Variants in MALRD1 observed in about 807,000 individuals in gnomAD.
The protein encoded by MALRD1 is MAM and LDL receptor class A domain containing 1, also known as MAM and LDL-receptor class A domain-containing protein 1.
Under a neutral mutation model 242.1 loss-of-function variants are expected in MALRD1, and 247 were observed. The observed-to-expected ratio is 1.02, with a 90% CI of 0.92 to 1.13. The LOEUF is 1.13. MALRD1 is among the 50% of genes most tolerant of loss of function. The pLI, the probability that MALRD1 is intolerant of heterozygous loss-of-function variation, is 0.00. For synonymous variants in MALRD1, 995 were observed against 866.6 expected, an observed-to-expected ratio of 1.15 and a Z score of -2.60; for missense variants, 2,989 against 2,533.1, an observed-to-expected ratio of 1.18 and a Z score of -3.86.
At chr10:19,079,558 A>G (rs1337541558) in intron 2 of MALRD1, among the ~76,000 whole-genome samples, 1 of 151,866 alleles carries the variant, frequency 6.6e-6, no homozygotes, top group Non-Finnish European at 1.5e-5. Context: ...AAATAGTTCT[A>G]TTTATTTTTG....
chr10:19,556,876 A>G (rs900603477), intron 32 of MALRD1, among the ~76,000 whole-genome samples: 8 of 152,136 alleles, frequency 5.3e-5, no homozygotes, highest in Admixed American at 3.9e-4. Flanking sequence ...CATTCCCACC[A>G]GAAGATAACC....
chr10:19,707,641 G>A (rs1833927386), intron 38 of MALRD1, among the ~76,000 whole-genome samples: 1 of 151,896 alleles, frequency 6.6e-6, no homozygotes, highest in Admixed American at 6.6e-5. Flanking sequence ...TGGGTTTGAT[G>A]TGCCATTTAA....
At chr10:19,343,342 G>A (rs748780530) in intron 24 of MALRD1, among the ~76,000 whole-genome samples, 13 of 151,956 alleles carry the variant, frequency 8.6e-5, no homozygotes, top group Non-Finnish European at 1.3e-4. Context: ...CCTAACTATG[G>A]TCCAGTATTA....
chr10:19,164,211 A>G (rs1834568865), intron 12 of MALRD1, among the ~76,000 whole-genome samples: 2 of 152,242 alleles, frequency 1.3e-5, no homozygotes, highest in South Asian at 4.1e-4. Flanking sequence ...GGTGGTCACA[A>G]TTAAGTAGAC....
At chr10:19,470,936 C>T (rs1228698649) in intron 29 of MALRD1, among the ~76,000 whole-genome samples, 1 of 151,812 alleles carries the variant, frequency 6.6e-6, no homozygotes, top group African/African-American at 2.4e-5. Context: ...AGAAGCTTTT[C>T]AGTTTGATGT....
chr10:19,259,138 A>G (rs144011673), intron 19 of MALRD1, among the ~76,000 whole-genome samples: 4 of 152,178 alleles, frequency 2.6e-5, no homozygotes, highest in Admixed American at 6.5e-5. Flanking sequence ...AGGTCATTCT[A>G]TTGTCAGAAT....
intron 7 of MALRD1, among the ~76,000 whole-genome samples, chr10:19,126,569 G>A (rs1237534698): frequency 6.6e-6 from 1 of 151,754 alleles, no homozygotes; most frequent in East Asian, 1.9e-4. Context: ...TTATTTCCTA[G>A]TGTATCTTAA....
At chr10:19,458,914 G>A (rs192570371) in intron 29 of MALRD1, among the ~76,000 whole-genome samples, 125 of 151,650 alleles carry the variant, frequency 8.2e-4, no homozygotes, top group Admixed American at 4.0e-3. Context: ...ATATATGTGC[G>A]TATATATATA....
intron 18 of MALRD1, among the ~76,000 whole-genome samples, chr10:19,211,125 T>G (rs934483583): frequency 1.3e-5 from 2 of 152,166 alleles, no homozygotes; most frequent in Non-Finnish European, 2.9e-5. Flanking sequence ...GCCCTTCTTA[T>G]GATATTTACT....
At chr10:19,490,263 A>G (rs1267020395) in intron 29 of MALRD1, among the ~76,000 whole-genome samples, 1 of 151,826 alleles carries the variant, frequency 6.6e-6, no homozygotes, top group Admixed American at 6.6e-5. Context: ...TGATTTTTCT[A>G]TCTAAATTAG....
chr10:19,299,985 A>G (rs932382496), intron 21 of MALRD1, among the ~76,000 whole-genome samples: 3 of 152,006 alleles, frequency 2.0e-5, no homozygotes, highest in Non-Finnish European at 4.4e-5. Context: ...GGTTCTGCCC[A>G]GAGGCTCCTG....
chr10:19,584,022 G>T (rs1480456069), intron 33 of MALRD1, among the ~76,000 whole-genome samples: 1 of 151,794 alleles, frequency 6.6e-6, no homozygotes, highest in East Asian at 1.9e-4. Context: ...AGAGGCGTTT[G>T]TAGTATTCTC....
chr10:19,250,619 C>CT (rs913740846), intron 18 of MALRD1, among the ~76,000 whole-genome samples: 1 of 151,782 alleles, frequency 6.6e-6, no homozygotes, highest in Non-Finnish European at 1.5e-5. Flanking sequence ...AATTTTGGCC[C>CT]TTTTTTTGTG....
intron 28 of MALRD1, among the ~76,000 whole-genome samples, chr10:19,415,028 G>A (rs1308952537): frequency 6.6e-6 from 1 of 152,014 alleles, no homozygotes; most frequent in Non-Finnish European, 1.5e-5. Context: ...ACCACGGTTT[G>A]TTTCACCTAT....
At chr10:19,692,154 A>T in intron 36 of MALRD1, 128 bp from the exon 37 acceptor site, 1 of 721,890 alleles carries the variant, frequency 1.4e-6, no homozygotes, top group Non-Finnish European at 2.1e-6. Flanking sequence ...TTGGTTTTTT[A>T]TCAAAGTTAT....
chr10:19,685,265 C>T (rs1181412642), intron 36 of MALRD1, among the ~76,000 whole-genome samples: 1 of 151,998 alleles, frequency 6.6e-6, no homozygotes, highest in Non-Finnish European at 1.5e-5. Flanking sequence ...TATTTTGCAT[C>T]TTAGTTATTT....
In MALRD1 at chr10:19,694,920, C is replaced by T. The variant is rs193150242; in HGVS notation, c.6314+2366C>T. Among the ~76,000 whole-genome samples, 12 of 152,220 alleles carry T rather than the reference C, an allele frequency of 7.9e-5. No homozygotes were observed. The East Asian group carries it at 2.1e-3, about 27-fold the overall frequency. Reference sequence around the variant, plus strand: ...AAAAATGATGAGTTCATGTCCTTTGCAGGGACATGGATGAAGCTGGGAACC... The same window carrying T: ...AAAAATGATGAGTTCATGTCCTTTGTAGGGACATGGATGAAGCTGGGAACC... On this transcript the variant is annotated intron_variant, in intron 38 of 39. Transcript: ENST00000454679.
At chr10:19,709,951 A>C (rs548969676) in intron 38 of MALRD1, among the ~76,000 whole-genome samples, 1 of 152,218 alleles carries the variant, frequency 6.6e-6, no homozygotes, top group African/African-American at 2.4e-5. Context: ...TCCCTAACAC[A>C]TTGTGGGAAT....
At chr10:19,330,900 G>C (rs1215471668) in intron 23 of MALRD1, among the ~76,000 whole-genome samples, 2 of 151,756 alleles carry the variant, frequency 1.3e-5, no homozygotes, top group African/African-American at 4.8e-5. Context: ...TTATCTTTTA[G>C]CTTTCAAATA....
Sources: allele counts gnomAD v4.1 joint callset (sites outside exome capture counted in the v4.1 genomes callset), GRCh38; gene constraint gnomAD v4.1.1; transcripts MANE v1.5; gene names NCBI Gene and HGNC (gene_info 2026-07-23, HGNC 2026-07-21).